Variants in GABPB2 observed in about 807,000 individuals in gnomAD.
GABPB2 encodes the protein GA binding protein transcription factor subunit beta 2, also known as GA-binding protein subunit beta-2.
Under a neutral mutation model 39.1 loss-of-function variants are expected in GABPB2, and 23 were observed. That is an observed-to-expected ratio of 0.59 (90% CI 0.42 to 0.83). The LOEUF is 0.83. Among genes scored for constraint, GABPB2 ranks in the 40% least tolerant of loss-of-function variants. The pLI, the probability that GABPB2 is intolerant of heterozygous loss-of-function variation, is 0.00. For synonymous variants in GABPB2, 184 were observed against 199.3 expected (o/e 0.92, Z 0.65); for missense variants, 467 against 541.1 (o/e 0.86, Z 1.36).
chr1:151,098,113 C>T, intron 5 of GABPB2, 111 bp downstream of exon 5: 1 of 876,816 alleles, frequency 1.1e-6, no homozygotes, highest in Non-Finnish European at 1.8e-6. Context: ...TAAAATATTG[C>T]CAAAGCAGAA....
At chr1:151,117,552 C>A (rs777332146) in intron 8 of GABPB2, 36 bp downstream of exon 8, 1 of 1,605,318 alleles carries the variant, frequency 6.2e-7, no homozygotes, top group Admixed American at 1.7e-5. Context: ...GAATTTAAAG[C>A]CTTAATTATT....
At chr1:151,084,071 TA>T (rs1397135759) in intron 1 of GABPB2, among the ~76,000 whole-genome samples, 24 of 149,664 alleles carry the variant, frequency 1.6e-4, no homozygotes, top group East Asian at 5.8e-4. Context: ...AAAAAATATA[TA>T]TATTTTTTTA....
rs1250365934 is a variant in GABPB2 at position 151,120,139 on chromosome 1, G to A, written c.*1883G>A. 1 of 151,894 alleles carries A rather than the reference G, an allele frequency of 6.6e-6. No homozygotes were observed. Among genetic ancestry groups the A allele is most frequent in the Non-Finnish European group, 1.5e-5 (1 of 68,014 alleles). The allele number at this position is 151,894 out of a possible 1,614,324, so 9.4% of individuals were successfully genotyped here. On this transcript the variant is annotated 3_prime_UTR_variant, in exon 9 of 9. Coordinates refer to ENST00000368918, the MANE Select transcript of GABPB2 (RefSeq NM_144618.3). The stretch of plus-strand genomic sequence containing the variant: ...AGGTGGGTGGATCATGAGGTCAGGA[G>A]TTCAAGACCAGCCTGGCCGAGATGG...
At position 151,109,347 on chromosome 1, in the gene GABPB2, T is replaced by TATATATACACAA. The variant is rs56111425; in HGVS notation, c.922+2132_922+2133insCACAAATATATA. ...ACAAATATATATATATACACAAATA[T>TATATATACACAA]ATATATATATATATATATTTTTTTT... On this transcript the variant is annotated intron_variant, in intron 7 of 8. Coordinates refer to ENST00000368918, the MANE Select transcript of GABPB2 (RefSeq NM_144618.3). 3.0e-3 allele frequency among the ~76,000 whole-genome samples: 386 copies of TATATATACACAA among 127,606 alleles called. 1 individual carries two copies. The highest frequency in any genetic ancestry group is 9.7e-3 in the African/African-American group (313 of 32,310). The allele number at this position is 127,606 out of a possible 152,430, so 83.7% of individuals were successfully genotyped here.
Position 151,124,052 on chromosome 1 carries a change from A to G in GABPB2, c.*5796A>G, listed in dbSNP as rs1681282761. ...GTGGCGCATCATCATACTGGTGAGA[A>G]AAAAAAAAAAAAAAAAGAGGCCGGG... On this transcript the variant is annotated 3_prime_UTR_variant, in exon 9 of 9. Transcript: ENST00000368918. 1 of 139,512 alleles carries G rather than the reference A, an allele frequency of 7.2e-6. No homozygotes were observed. Among genetic ancestry groups the G allele is most frequent in the East Asian group, 2.0e-4 (1 of 4,886 alleles). The allele number at this position is 139,512 out of a possible 1,614,324, so 8.6% of individuals were successfully genotyped here.
intron 4 of GABPB2, among the ~76,000 whole-genome samples, chr1:151,096,281 C>A (rs1679089849): frequency 6.6e-6 from 1 of 151,844 alleles, no homozygotes; most frequent in Non-Finnish European, 1.5e-5. Context: ...AAGAAATTAG[C>A]CGGGCATGGC....
At chr1:151,086,842 A>AT (rs1386155287) in intron 1 of GABPB2, among the ~76,000 whole-genome samples, 5 of 151,352 alleles carry the variant, frequency 3.3e-5, no homozygotes, top group Admixed American at 2.6e-4. Context: ...TAATTTTTGT[A>AT]TTTTTTTGTA....
intron 1 of GABPB2, among the ~76,000 whole-genome samples, chr1:151,078,013 G>A (rs1000711090): frequency 6.6e-6 from 1 of 151,862 alleles, no homozygotes; most frequent in Non-Finnish European, 1.5e-5. Flanking sequence ...GCTCACGCCT[G>A]TAATCCCAGC....
Position 151,088,573 on chromosome 1 carries a change from A to T in GABPB2, c.108+276A>T, listed in dbSNP as rs587714441. ...TTTTTAGAGTATTTTCTAAAGGTTTAACTGTCTCTGGAGTGTACTTGGGTT... is the reference window on the plus strand; with the variant it reads ...TTTTTAGAGTATTTTCTAAAGGTTTTACTGTCTCTGGAGTGTACTTGGGTT... On this transcript the variant is annotated intron_variant, in intron 2 of 8. Coordinates refer to ENST00000368918, the MANE Select transcript of GABPB2 (RefSeq NM_144618.3). 4.7e-5 allele frequency: 30 copies of T among 632,620 alleles called. No individual in the cohort carries two copies. The South Asian group carries it at 5.2e-4, about 11-fold the overall frequency. 39.2% of individuals were successfully genotyped at this position (632,620 alleles called of 1,614,324 possible). A position where few individuals can be genotyped will look rare whatever the true frequency, so the allele number is the denominator to read the frequency against.
rs1676917397 is a variant in GABPB2, at chr1:151,073,744, A to AC, written c.-1+2814dup. Among the ~76,000 whole-genome samples, 3 of 151,786 alleles carry AC rather than the reference A, an allele frequency of 2.0e-5. No individual in the cohort carries two copies. In the South Asian group the frequency reaches 6.3e-4, roughly 32 times the overall value. ...AGACCAGCCTGGCCAACATGGTGAA[A>AC]CCCCGTCTCTAATAAAAATACAAAA... On this transcript the variant is annotated intron_variant, in intron 1 of 8. Transcript: ENST00000368918.
rs1466618837 is a variant in GABPB2, at chr1:151,097,971, T to C, written c.591T>C (p.Leu197=). The C allele has an allele frequency of 6.2e-6, 10 of 1,614,130 alleles. No individual in the cohort carries two copies. The highest frequency in any genetic ancestry group is 7.6e-6 in the Non-Finnish European group (9 of 1,179,996). Reference sequence around the variant, plus strand: ...GTGAGGTTGTTAACCTCGCAAGCCTTATTTCTTCAACCAACACCAAAACAA... The same window carrying C: ...GTGAGGTTGTTAACCTCGCAAGCCTCATTTCTTCAACCAACACCAAAACAA... ...TSGEVVNLAS[L]ISSTNTKTTS... The change falls in exon 5 of 9, where the codon CTT becomes CTC. Residue 197 remains leucine (L), a synonymous_variant. Transcript: ENST00000368918.
At chr1:151,078,592 C>CAAAAAAAA (rs1240625481) in intron 1 of GABPB2, among the ~76,000 whole-genome samples, 2 of 143,244 alleles carry the variant, frequency 1.4e-5, no homozygotes, top group African/African-American at 2.6e-5. Flanking sequence ...GACTCCGTCT[C>CAAAAAAAA]AAAAAAAAAA....
chr1:151,085,307 G>T (rs587721134), intron 1 of GABPB2, among the ~76,000 whole-genome samples: 2 of 152,190 alleles, frequency 1.3e-5, no homozygotes, highest in South Asian at 4.1e-4. Context: ...TGAGGCAGGA[G>T]AATCGCTTGT....
intron 7 of GABPB2, 97 bp downstream of exon 7, chr1:151,107,319 G>T: frequency 1.3e-6 from 1 of 746,468 alleles, no homozygotes. Context: ...GTGGAAGTGG[G>T]AGATTGCCAG....
At chr1:151,090,301 T>C in intron 2 of GABPB2, 105 bp from the exon 3 acceptor site, 2 of 1,103,242 alleles carry the variant, frequency 1.8e-6, no homozygotes, top group Non-Finnish European at 2.6e-6. Flanking sequence ...CCAACCAGAT[T>C]CTCTCTTGAA....
chr1:151,101,035 A>C (rs1456687226), intron 5 of GABPB2, among the ~76,000 whole-genome samples: 1 of 151,704 alleles, frequency 6.6e-6, no homozygotes, highest in Non-Finnish European at 1.5e-5. Flanking sequence ...GCTTGAACTC[A>C]TGAGTTCGAG....
intron 1 of GABPB2, among the ~76,000 whole-genome samples, chr1:151,080,439 A>C (rs1191221067): frequency 6.6e-6 from 1 of 151,328 alleles, no homozygotes; most frequent in Non-Finnish European, 1.5e-5. Flanking sequence ...TCAACCCAGG[A>C]GGCAGAGGTT....
rs1409556994 is a variant in GABPB2 at position 151,121,061 on chromosome 1, A to G, written c.*2805A>G. ...GTGAGCCACCCCGCGCACAGCCTAG[A>G]CTCTAATTTTATAAAACTTTGTTGA... On this transcript the variant is annotated 3_prime_UTR_variant, in exon 9 of 9. Coordinates refer to ENST00000368918, the MANE Select transcript of GABPB2 (RefSeq NM_144618.3). 1 of 151,956 alleles carries G rather than the reference A, an allele frequency of 6.6e-6. No individual in the cohort carries two copies. 9.4% of individuals were successfully genotyped at this position (151,956 alleles called of 1,614,324 possible). A position where few individuals can be genotyped will look rare whatever the true frequency, so the allele number is the denominator to read the frequency against.
intron 3 of GABPB2, 109 bp downstream of exon 3, chr1:151,090,682 C>G (rs2101489765): frequency 9.1e-7 from 1 of 1,102,046 alleles, no homozygotes; most frequent in East Asian, 2.4e-5. Context: ...AAGTTTAGGA[C>G]AGTTATAGCA....
Sources: allele counts gnomAD v4.1 joint callset (sites outside exome capture counted in the v4.1 genomes callset), GRCh38; gene constraint gnomAD v4.1.1; transcripts MANE v1.5; gene names NCBI Gene and HGNC (gene_info 2026-07-23, HGNC 2026-07-21).